DSCAM: variants seen among roughly 807,000 people sequenced by gnomAD.
DSCAM encodes cell adhesion molecule DSCAM.
Under a neutral mutation model 217.7 loss-of-function variants are expected in DSCAM, and 47 were observed. That is an observed-to-expected ratio of 0.22 (90% CI 0.17 to 0.28). The LOEUF (loss-of-function observed/expected upper bound fraction) is 0.28. DSCAM is among the 10% of genes least tolerant of loss of function. The pLI is 1.00. For synonymous variants in DSCAM, 1,056 were observed against 1,015.3 expected (o/e 1.04, Z -0.76); for missense variants, 2,080 against 2,618.3 (o/e 0.79, Z 4.49).
intron 3 of DSCAM, among the ~76,000 whole-genome samples, chr21:40,488,396 T>C (rs1441940190): frequency 6.6e-6 from 1 of 152,216 alleles, no homozygotes; most frequent in African/African-American, 2.4e-5. Context: ...AACTTCTATT[T>C]GAAGGCTCAG....
chr21:40,138,107 T>C (rs551972774), intron 18 of DSCAM, among the ~76,000 whole-genome samples: 8 of 152,358 alleles, frequency 5.3e-5, no homozygotes, highest in African/African-American at 1.9e-4. Context: ...CTATCAAATA[T>C]ACTAACCAGT....
At chr21:40,150,044 ACT>A (rs1383891918) in intron 16 of DSCAM, among the ~76,000 whole-genome samples, 1 of 152,176 alleles carries the variant, frequency 6.6e-6, no homozygotes. Flanking sequence ...CTTATTGAAC[ACT>A]GTTTTTTCCC....
intron 4 of DSCAM, among the ~76,000 whole-genome samples, chr21:40,355,246 C>A (rs930904205): frequency 2.0e-5 from 3 of 152,204 alleles, no homozygotes; most frequent in Non-Finnish European, 4.4e-5. Flanking sequence ...TCCTCAGGGA[C>A]AGACTCTCTG....
intron 11 of DSCAM, among the ~76,000 whole-genome samples, chr21:40,201,671 T>A: frequency 6.6e-6 from 1 of 152,228 alleles, no homozygotes; most frequent in Middle Eastern, 3.4e-3. Flanking sequence ...AAACTCCCAA[T>A]CTCAGGTGAT....
At chr21:40,742,939 C>CGAAAA (rs1338053947) in intron 1 of DSCAM, among the ~76,000 whole-genome samples, 1 of 152,122 alleles carries the variant, frequency 6.6e-6, no homozygotes, top group Non-Finnish European at 1.5e-5. Context: ...GCAGTATCCC[C>CGAAAA]TAAATTACCC....
intron 12 of DSCAM, 83 bp downstream of exon 12, chr21:40,188,959 T>A: frequency 7.2e-7 from 1 of 1,390,280 alleles, no homozygotes; most frequent in Non-Finnish European, 1.0e-6. Context: ...ATCTGCTACT[T>A]ATCTGCACCC....
At chr21:40,663,388 C>T (rs1227015161) in intron 3 of DSCAM, among the ~76,000 whole-genome samples, 1 of 152,018 alleles carries the variant, frequency 6.6e-6, no homozygotes, top group Non-Finnish European at 1.5e-5. Flanking sequence ...TCCATATGCA[C>T]AGGCCAGTCG....
chr21:40,470,873 T>C (rs2075882737), intron 3 of DSCAM, among the ~76,000 whole-genome samples: 1 of 152,216 alleles, frequency 6.6e-6, no homozygotes. Context: ...AAATTACTAT[T>C]ATTATGGCTA....
chr21:40,424,835 T>C (rs1176674378), intron 3 of DSCAM, among the ~76,000 whole-genome samples: 2 of 152,164 alleles, frequency 1.3e-5, no homozygotes, highest in African/African-American at 4.8e-5. Context: ...CAGTCGCACA[T>C]GTAATCCCAG....
At chr21:40,267,604 T>C (rs1425015685) in intron 11 of DSCAM, among the ~76,000 whole-genome samples, 1 of 152,162 alleles carries the variant, frequency 6.6e-6, no homozygotes, top group Non-Finnish European at 1.5e-5. Flanking sequence ...TAACATAAAA[T>C]CTGGATTATG....
intron 1 of DSCAM, among the ~76,000 whole-genome samples, chr21:40,838,973 A>G (rs887900976): frequency 6.6e-6 from 1 of 152,210 alleles, no homozygotes; most frequent in African/African-American, 2.4e-5. Flanking sequence ...TAACAAATAC[A>G]GGCCTAGAAA....
chr21:40,622,050 C>G (rs374364582), intron 3 of DSCAM, among the ~76,000 whole-genome samples: 101 of 152,132 alleles, frequency 6.6e-4, no homozygotes, highest in African/African-American at 2.3e-3. Flanking sequence ...ACTACCACCA[C>G]GATGACAAAA....
At chr21:40,734,175 C>A (rs191415239) in intron 1 of DSCAM, among the ~76,000 whole-genome samples, 1 of 152,032 alleles carries the variant, frequency 6.6e-6, no homozygotes, top group African/African-American at 2.4e-5. Context: ...CCCCAAGAAA[C>A]GCTAAATGTT....
At chr21:40,815,751 A>C (rs2091875923) in intron 1 of DSCAM, among the ~76,000 whole-genome samples, 1 of 152,200 alleles carries the variant, frequency 6.6e-6, no homozygotes, top group South Asian at 2.1e-4. Flanking sequence ...ACTGTTCCTG[A>C]AGTCAGGTGA....
At chr21:40,060,374 T>C (rs888425844) in intron 28 of DSCAM, among the ~76,000 whole-genome samples, 13 of 152,356 alleles carry the variant, frequency 8.5e-5, no homozygotes, top group Middle Eastern at 3.4e-3. Flanking sequence ...ATCATCCTAA[T>C]TGAGCAAATG....
In DSCAM at chr21:40,376,564, ATCT is replaced by A. The variant is rs1569092948; in HGVS notation, c.509-7322_509-7320del. ...ATATATCTTATATCGATATCTATAT[ATCT>A]TATATCGATATCTATATATCTTATA... is the stretch of plus-strand genomic sequence containing the variant. On this transcript the variant is annotated intron_variant, in intron 3 of 32. Transcript: ENST00000400454. 4.5e-4 allele frequency among the ~76,000 whole-genome samples: 46 copies of A among 102,592 alleles called. 2 individuals carry two copies. Among genetic ancestry groups the A allele is most frequent in the Admixed American group, 1.6e-3 (14 of 8,622 alleles). 67.3% of individuals were successfully genotyped at this position (102,592 alleles called of 152,430 possible). A position where few individuals can be genotyped will look rare whatever the true frequency, so the allele number is the denominator to read the frequency against.
intron 32 of DSCAM, among the ~76,000 whole-genome samples, chr21:40,028,591 G>C (rs34839605): frequency 1.3e-5 from 2 of 152,036 alleles, no homozygotes; most frequent in Non-Finnish European, 2.9e-5. Flanking sequence ...CACAGTATTC[G>C]GGTGGGAGTG....
intron 15 of DSCAM, among the ~76,000 whole-genome samples, chr21:40,171,750 T>C (rs2090660626): frequency 6.6e-6 from 1 of 152,162 alleles, no homozygotes; most frequent in Non-Finnish European, 1.5e-5. Context: ...TTTTTTAAAT[T>C]ATAAAAAATT....
chr21:40,050,147 C>T (rs753363147), intron 30 of DSCAM, among the ~76,000 whole-genome samples: 7 of 152,108 alleles, frequency 4.6e-5, no homozygotes, highest in Non-Finnish European at 8.8e-5. Context: ...TGTTACCATG[C>T]GGATTCCTAG....
Sources: allele counts gnomAD v4.1 joint callset (sites outside exome capture counted in the v4.1 genomes callset), GRCh38; gene constraint gnomAD v4.1.1; transcripts MANE v1.5; gene names NCBI Gene and HGNC (gene_info 2026-07-23, HGNC 2026-07-21).